Variants in LRFN5 observed in about 807,000 individuals in gnomAD.
The protein encoded by LRFN5 is leucine rich repeat and fibronectin type III domain containing 5.
A neutral mutation model predicts 45.6 loss-of-function variants in LRFN5; 24 were observed. That is an observed-to-expected ratio of 0.53 (90% CI 0.38 to 0.74). LRFN5 has a LOEUF of 0.74. Ranked by LOEUF, LRFN5 falls within the 30% of genes least tolerant of loss-of-function variation. LRFN5 has a pLI of 0.00. For missense variants in LRFN5, 776 were observed against 861.5 expected (o/e 0.90, Z 1.24); for synonymous variants, 340 against 313.8 (o/e 1.08, Z -0.88).
chr14:41,795,754 C>T (rs966252045), intron 2 of LRFN5, among the ~76,000 whole-genome samples: 1 of 150,914 alleles, frequency 6.6e-6, no homozygotes, highest in Non-Finnish European at 1.5e-5. Flanking sequence ...GAGTGGGGAA[C>T]ATCACACACC....
At chr14:41,840,644 C>T (rs1888828118) in intron 2 of LRFN5, among the ~76,000 whole-genome samples, 1 of 151,996 alleles carries the variant, frequency 6.6e-6, no homozygotes, top group Admixed American at 6.6e-5. Context: ...ATTCTTTTTC[C>T]CCTCATCCCT....
intron 2 of LRFN5, among the ~76,000 whole-genome samples, chr14:41,872,369 G>GT (rs1298410728): frequency 1.3e-5 from 2 of 152,222 alleles, no homozygotes; most frequent in South Asian, 2.1e-4. Context: ...TGCATGCTAT[G>GT]TTTTTTTCTA....
At chr14:41,786,342 T>C (rs1312993932) in intron 2 of LRFN5, among the ~76,000 whole-genome samples, 2 of 152,014 alleles carry the variant, frequency 1.3e-5, no homozygotes, top group African/African-American at 4.8e-5. Flanking sequence ...TTTTGTTTTT[T>C]CAAAAAGTAA....
chr14:41,773,877 A>C (rs1346404655), intron 2 of LRFN5, among the ~76,000 whole-genome samples: 1 of 152,194 alleles, frequency 6.6e-6, no homozygotes, highest in African/African-American at 2.4e-5. Flanking sequence ...AATTATAAAA[A>C]CTAGAAAGAC....
At chr14:41,856,528 C>T (rs1430400545) in intron 2 of LRFN5, among the ~76,000 whole-genome samples, 1 of 151,690 alleles carries the variant, frequency 6.6e-6, no homozygotes, top group South Asian at 2.1e-4. Flanking sequence ...GTGTTCACCC[C>T]CTTGAATGTG....
At chr14:41,731,045 C>T (rs1195867515) in intron 1 of LRFN5, among the ~76,000 whole-genome samples, 1 of 151,950 alleles carries the variant, frequency 6.6e-6, no homozygotes, top group South Asian at 2.1e-4. Flanking sequence ...TTTCAAGACT[C>T]TTAATATCTA....
rs1161351068 is a variant in LRFN5 at position 41,682,297 on chromosome 14, A to G, written c.-197+73735A>G. Among the ~76,000 whole-genome samples, 4 of 152,080 alleles carry G rather than the reference A, an allele frequency of 2.6e-5. No individual in the cohort carries two copies. In the South Asian group the frequency reaches 8.3e-4, roughly 31 times the overall value. On this transcript the variant is annotated intron_variant, in intron 1 of 5. Transcript: ENST00000298119. ...TATGACAACAACGACTTGTCAAGAC[A>G]TAGACAGTATAATAAGATACAAACA... is the stretch of plus-strand genomic sequence containing the variant.
chr14:41,779,126 G>A (rs1886395081), intron 2 of LRFN5, among the ~76,000 whole-genome samples: 1 of 151,690 alleles, frequency 6.6e-6, no homozygotes, highest in Admixed American at 6.6e-5. Context: ...GTATATATTA[G>A]CTGTAGGTAT....
chr14:41,763,803 A>G (rs1297120878), intron 1 of LRFN5, among the ~76,000 whole-genome samples: 1 of 152,196 alleles, frequency 6.6e-6, no homozygotes. Context: ...TTTTTCCTTT[A>G]TAAATTACCC....
intron 2 of LRFN5, among the ~76,000 whole-genome samples, chr14:41,846,162 G>T (rs978430769): frequency 2.0e-5 from 3 of 151,856 alleles, no homozygotes; most frequent in African/African-American, 7.3e-5. Context: ...TGGTACAACA[G>T]TATTGGAGAA....
At chr14:41,649,748 C>G (rs1447448054) in intron 1 of LRFN5, among the ~76,000 whole-genome samples, 2 of 152,130 alleles carry the variant, frequency 1.3e-5, no homozygotes, top group Non-Finnish European at 2.9e-5. Context: ...ATTCTCCTTA[C>G]CCCTGACGTT....
rs1888115633 is a variant in LRFN5 at position 41,621,011 on chromosome 14, A to C, written c.-197+12449A>C. ...TGATTTTGGAATGTGGCCATAAAGC[A>C]CTAAAATTTACTTATATGTACCAAT... On this transcript the variant is annotated intron_variant, in intron 1 of 5. Coordinates refer to ENST00000298119, the MANE Select transcript of LRFN5 (RefSeq NM_152447.5). Among the ~76,000 whole-genome samples the C allele has an allele frequency of 2.0e-5, 3 of 152,090 alleles. No individual in the cohort carries two copies. The South Asian group carries it at 6.2e-4, about 32-fold the overall frequency.
At chr14:41,858,709 C>A (rs1889558970) in intron 2 of LRFN5, among the ~76,000 whole-genome samples, 2 of 152,162 alleles carry the variant, frequency 1.3e-5, no homozygotes. Flanking sequence ...ACTTTCACCA[C>A]TCTTTATCCT....
intron 2 of LRFN5, among the ~76,000 whole-genome samples, chr14:41,810,921 G>A (rs920194439): frequency 3.5e-4 from 32 of 91,026 alleles, no homozygotes; most frequent in Middle Eastern, 5.2e-3. Flanking sequence ...GACAAGACTT[G>A]ATGGTTGTGG....
intron 2 of LRFN5, among the ~76,000 whole-genome samples, chr14:41,860,790 A>G (rs1889634049): frequency 6.6e-6 from 1 of 152,222 alleles, no homozygotes; most frequent in Non-Finnish European, 1.5e-5. Context: ...TGCCAGAGGC[A>G]GTTCTGCAGA....
intron 2 of LRFN5, among the ~76,000 whole-genome samples, chr14:41,851,539 A>G (rs1418076943): frequency 6.6e-6 from 1 of 151,854 alleles, no homozygotes; most frequent in Non-Finnish European, 1.5e-5. Flanking sequence ...AAATATGTCT[A>G]CAGGTACTTT....
intron 2 of LRFN5, among the ~76,000 whole-genome samples, chr14:41,882,187 T>C (rs1255488161): frequency 6.6e-6 from 1 of 152,168 alleles, no homozygotes; most frequent in African/African-American, 2.4e-5. Context: ...GCCAGATTTG[T>C]TGGTGGCCTA....
At chr14:41,818,558 A>T (rs993024322) in intron 2 of LRFN5, among the ~76,000 whole-genome samples, 4 of 151,934 alleles carry the variant, frequency 2.6e-5, no homozygotes, top group Non-Finnish European at 4.4e-5. Flanking sequence ...CAAGTGATAT[A>T]TGCCATCACA....
chr14:41,846,432 G>T (rs1889070665), intron 2 of LRFN5, among the ~76,000 whole-genome samples: 1 of 152,066 alleles, frequency 6.6e-6, no homozygotes, highest in Admixed American at 6.6e-5. Context: ...CAATGAAAGT[G>T]AAAACAATAC....
Sources: allele counts gnomAD v4.1 joint callset (sites outside exome capture counted in the v4.1 genomes callset), GRCh38; gene constraint gnomAD v4.1.1; transcripts MANE v1.5; gene names NCBI Gene and HGNC (gene_info 2026-07-23, HGNC 2026-07-21).